KCTD16: variants seen among roughly 807,000 people sequenced by gnomAD.
KCTD16 encodes potassium channel tetramerization domain containing 16, also known as BTB/POZ domain-containing protein KCTD16.
In KCTD16, 13 loss-of-function variants were observed where a neutral mutation model predicts 33.2. That is an observed-to-expected ratio of 0.39 (90% confidence interval 0.25 to 0.62). KCTD16 has a LOEUF of 0.62. KCTD16 is among the 20% of genes least tolerant of loss of function. The pLI is 0.50. For synonymous variants in KCTD16, 197 were observed against 195.3 expected (o/e 1.01, Z -0.07); for missense variants, 441 against 525.1 (o/e 0.84, Z 1.57).
Position 144,207,371 on chromosome 5 carries a change from A to C in KCTD16, c.657A>C (p.Pro219=), listed in dbSNP as rs1051368863. ...AAAGCAGAGACCCTGATCGAGCCCC[A>C]GAAAGATACACCTCCAGATTTTATC... ...LNESRDPDRA[P]ERYTSRFYLK... Residue 219 remains proline (P), a synonymous_variant, in exon 3 of 4, where the codon CCA becomes CCC. Transcript: ENST00000512467. 8.1e-6 allele frequency: 13 copies of C among 1,614,088 alleles called. No homozygotes were observed. Among genetic ancestry groups the C allele is most frequent in the Admixed American group, 5.0e-5 (3 of 60,000 alleles).
intron 3 of KCTD16, among the ~76,000 whole-genome samples, chr5:144,220,190 A>G (rs1277040575): frequency 1.3e-5 from 2 of 152,064 alleles, no homozygotes; most frequent in East Asian, 3.9e-4. Context: ...TCTGAGACCT[A>G]CTCATTCTTC....
chr5:144,459,620 G>C (rs1343315455), intron 3 of KCTD16, among the ~76,000 whole-genome samples: 2 of 151,964 alleles, frequency 1.3e-5, no homozygotes, highest in Admixed American at 1.3e-4. Flanking sequence ...AAAGTGCCGG[G>C]ATTACAGTTG....
At chr5:144,280,214 A>G (rs561191824) in intron 3 of KCTD16, among the ~76,000 whole-genome samples, 70 of 151,800 alleles carry the variant, frequency 4.6e-4, no homozygotes, top group African/African-American at 1.6e-3. Context: ...CTCCTTTCCT[A>G]TTTTCTGGAA....
chr5:144,235,400 T>C (rs947003912), intron 3 of KCTD16, among the ~76,000 whole-genome samples: 2 of 152,132 alleles, frequency 1.3e-5, no homozygotes, highest in African/African-American at 4.8e-5. Flanking sequence ...CTTGTCTCCA[T>C]GGTTTGCATT....
At chr5:144,195,208 G>A (rs56318772) in intron 2 of KCTD16, among the ~76,000 whole-genome samples, 1 of 152,020 alleles carries the variant, frequency 6.6e-6, no homozygotes, top group African/African-American at 2.4e-5. Context: ...TCTCTTCCTG[G>A]AAATTATCAC....
At chr5:144,299,909 A>AAAAAAC (rs1561559219) in intron 3 of KCTD16, among the ~76,000 whole-genome samples, 4 of 145,482 alleles carry the variant, frequency 2.7e-5, no homozygotes, top group Non-Finnish European at 5.9e-5. Flanking sequence ...AAAAAAAAAA[A>AAAAAAC]AAAAAACAAA....
rs1209006376 is a variant in KCTD16, at chr5:144,475,048, A to T, written c.*934A>T. On this transcript the variant is annotated 3_prime_UTR_variant, in exon 4 of 4. Coordinates refer to ENST00000512467, the MANE Select transcript of KCTD16 (RefSeq NM_020768.4). ...AGCCTTCTCTACCCTGAACTGAATT[A>T]TCACCCTTTTCTCCATGTTTTCAGA... 1 of 152,192 alleles carries T rather than the reference A, an allele frequency of 6.6e-6. No individual in the cohort carries two copies. The highest frequency in any genetic ancestry group is 6.5e-5 in the Admixed American group (1 of 15,280). 9.4% of individuals were successfully genotyped at this position (152,192 alleles called of 1,614,324 possible).
At chr5:144,419,622 G>A (rs1440189982) in intron 3 of KCTD16, among the ~76,000 whole-genome samples, 5 of 152,138 alleles carry the variant, frequency 3.3e-5, no homozygotes, top group Non-Finnish European at 5.9e-5. Context: ...TCATGGAGAT[G>A]AAGAGGGAAT....
chr5:144,344,962 C>G (rs1044879249), intron 3 of KCTD16, among the ~76,000 whole-genome samples: 5 of 151,172 alleles, frequency 3.3e-5, no homozygotes, highest in Non-Finnish European at 7.4e-5. Flanking sequence ...ACCCAAATGT[C>G]CAACAATGAT....
intron 3 of KCTD16, among the ~76,000 whole-genome samples, chr5:144,316,006 A>T (rs1281302570): frequency 6.7e-6 from 1 of 148,350 alleles, no homozygotes; most frequent in African/African-American, 2.6e-5. Context: ...TTTTTTTTTA[A>T]AAGGTCAGCT....
At chr5:144,364,304 G>A (rs1347512577) in intron 3 of KCTD16, among the ~76,000 whole-genome samples, 1 of 152,008 alleles carries the variant, frequency 6.6e-6, no homozygotes, top group East Asian at 1.9e-4. Context: ...AAGGACACAC[G>A]CTAGAAAGGA....
intron 3 of KCTD16, among the ~76,000 whole-genome samples, chr5:144,350,596 T>C (rs1376167449): frequency 6.6e-6 from 1 of 152,178 alleles, no homozygotes; most frequent in Non-Finnish European, 1.5e-5. Context: ...GATACTTCAT[T>C]GCTTATAGAA....
chr5:144,397,857 G>T (rs1752609544), intron 3 of KCTD16, among the ~76,000 whole-genome samples: 1 of 152,116 alleles, frequency 6.6e-6, no homozygotes, highest in Admixed American at 6.6e-5. Flanking sequence ...GGAGACACAG[G>T]CTAATGGTCC....
intron 2 of KCTD16, among the ~76,000 whole-genome samples, chr5:144,194,174 T>C (rs1458480455): frequency 6.6e-6 from 1 of 151,868 alleles, no homozygotes; most frequent in Non-Finnish European, 1.5e-5. Context: ...ACATTAAAAA[T>C]GTGCAGACTT....
chr5:144,337,016 T>C (rs1476858991), intron 3 of KCTD16, among the ~76,000 whole-genome samples: 1 of 151,346 alleles, frequency 6.6e-6, no homozygotes, highest in Non-Finnish European at 1.5e-5. Flanking sequence ...TATATTTTGC[T>C]ATATTAACAT....
rs1751871840 is a variant in KCTD16, at chr5:144,367,766, G to A, written c.833-105894G>A. Reference sequence around the variant, plus strand: ...AGGTTTGTTACAAAGATACATTGTGGGATGCTGAAGTTTGGGGTTTTTCAG... The same window carrying A: ...AGGTTTGTTACAAAGATACATTGTGAGATGCTGAAGTTTGGGGTTTTTCAG... On this transcript the variant is annotated intron_variant, in intron 3 of 3. Transcript: ENST00000512467. 2.0e-5 allele frequency among the ~76,000 whole-genome samples: 3 copies of A among 148,946 alleles called. No homozygotes were observed. In the South Asian group the frequency reaches 6.5e-4, roughly 32 times the overall value.
intron 3 of KCTD16, among the ~76,000 whole-genome samples, chr5:144,457,173 C>T (rs1754085565): frequency 6.6e-6 from 1 of 152,238 alleles, no homozygotes; most frequent in Non-Finnish European, 1.5e-5. Flanking sequence ...TTTATTTGCT[C>T]CCTCCAATGA....
chr5:144,302,323 G>T (rs1338515500), intron 3 of KCTD16, among the ~76,000 whole-genome samples: 4 of 152,152 alleles, frequency 2.6e-5, no homozygotes, highest in East Asian at 1.9e-4. Flanking sequence ...AGGAGAAAGA[G>T]AAATAAGTTT....
At chr5:144,285,597 T>C (rs1580845229) in intron 3 of KCTD16, among the ~76,000 whole-genome samples, 1 of 152,346 alleles carries the variant, frequency 6.6e-6, no homozygotes, top group African/African-American at 2.4e-5. Flanking sequence ...ACAAATATAC[T>C]GTGGGTCTTT....
Sources: allele counts gnomAD v4.1 joint callset (sites outside exome capture counted in the v4.1 genomes callset), GRCh38; gene constraint gnomAD v4.1.1; transcripts MANE v1.5; gene names NCBI Gene and HGNC (gene_info 2026-07-23, HGNC 2026-07-21).